DIP2A: variants seen among roughly 807,000 people sequenced by gnomAD.
DIP2A encodes DIP2 acetate--CoA ligase A.
A neutral mutation model predicts 177.4 loss-of-function variants in DIP2A; 85 were observed. That is an observed-to-expected ratio of 0.48 (90% CI 0.40 to 0.57). DIP2A has a LOEUF of 0.57. Among genes scored for constraint, DIP2A ranks in the 20% least tolerant of loss-of-function variants. The probability of loss-of-function intolerance (pLI) is 0.00; values close to 1 mark genes in which losing one functional copy is unlikely to be tolerated. For missense variants in DIP2A, 1,791 were observed against 2,100.2 expected, an observed-to-expected ratio of 0.85 and a Z score of 2.88; for synonymous variants, 886 against 881.8, an observed-to-expected ratio of 1.00 and a Z score of -0.08.
At position 46,547,044 on chromosome 21, in the gene DIP2A, T is replaced by C; in HGVS notation, c.2522+2T>C. On this transcript the variant is annotated splice_donor_variant, in intron 21 of 37. Transcript: ENST00000417564. LOFTEE classifies it high-confidence loss of function. ...CATGAAGTTTGTCTACAGAGGCAGGTGATGCGCTGCGGACCCCCACGCCGG... is the reference window on the plus strand; with the variant it reads ...CATGAAGTTTGTCTACAGAGGCAGGCGATGCGCTGCGGACCCCCACGCCGG... 6.2e-7 allele frequency: 1 copy of C among 1,613,314 alleles called. No individual in the cohort carries two copies. The highest frequency in any genetic ancestry group is 1.1e-5 in the South Asian group (1 of 91,030).
chr21:46,497,248 C>A, intron 4 of DIP2A, 141 bp downstream of exon 4: 1 of 1,035,146 alleles, frequency 9.7e-7, no homozygotes. Context: ...AAAATGTTTG[C>A]ATATGCTCGT....
intron 1 of DIP2A, among the ~76,000 whole-genome samples, chr21:46,475,837 T>C (rs1219351822): frequency 6.6e-6 from 1 of 152,250 alleles, no homozygotes; most frequent in African/African-American, 2.4e-5. Flanking sequence ...CATTTCCATA[T>C]ATCCTGAAAC....
chr21:46,478,274 G>A (rs1318404180), intron 1 of DIP2A, among the ~76,000 whole-genome samples: 4 of 151,408 alleles, frequency 2.6e-5, no homozygotes, highest in African/African-American at 7.3e-5. Flanking sequence ...GTGCAATGGC[G>A]CGATCCCGGC....
chr21:46,564,568 G>A lies in DIP2A; in HGVS notation c.4164+636G>A, dbSNP rs149773043. The stretch of plus-strand genomic sequence containing the variant: ...CAGTCCCGAATGTGCAGATTGATCT[G>A]TTGTCATGGGAGCATAAGGACTCAC... On this transcript the variant is annotated intron_variant, in intron 35 of 37. Coordinates refer to ENST00000417564, the MANE Select transcript of DIP2A (RefSeq NM_015151.4). Among the ~76,000 whole-genome samples, 282 of 152,350 alleles carry A rather than the reference G, an allele frequency of 1.9e-3. 1 individual carries two copies. Among genetic ancestry groups the A allele is most frequent in the African/African-American group, 6.4e-3 (268 of 41,580 alleles).
rs1250803817 is a variant in DIP2A, at chr21:46,498,062, C to T, written c.404-520C>T. Among the ~76,000 whole-genome samples, 4 of 152,160 alleles carry T rather than the reference C, an allele frequency of 2.6e-5. No homozygotes were observed. Among genetic ancestry groups the T allele is most frequent in the Non-Finnish European group, 5.9e-5 (4 of 68,026 alleles). On this transcript the variant is annotated intron_variant, in intron 4 of 37. Transcript: ENST00000417564. The surrounding 1 kb of genome is among the most constrained non-coding windows in gnomAD (Gnocchi z 4.3). The stretch of plus-strand genomic sequence containing the variant: ...TTTTAGGGCTAGTTCACATGACTCC[C>T]CTGAAAGGATGCATGTAGACAGGGC...
chr21:46,544,835 A>C (rs2059963744), intron 18 of DIP2A, among the ~76,000 whole-genome samples: 1 of 152,172 alleles, frequency 6.6e-6, no homozygotes, highest in African/African-American at 2.4e-5. Context: ...GTATGACAAG[A>C]GGAGGCACAG....
At chr21:46,468,953 T>G (rs1479975603) in intron 1 of DIP2A, among the ~76,000 whole-genome samples, 1 of 152,254 alleles carries the variant, frequency 6.6e-6, no homozygotes, top group Non-Finnish European at 1.5e-5. Flanking sequence ...TGTCTTTCTT[T>G]CACCGCTTAA....
intron 13 of DIP2A, among the ~76,000 whole-genome samples, chr21:46,534,933 G>T (rs2059501533): frequency 6.6e-6 from 1 of 152,164 alleles, no homozygotes. Context: ...CATCAGGGTT[G>T]TTTTCAGTAA....
At chr21:46,466,642 G>A (rs1049945890) in intron 1 of DIP2A, among the ~76,000 whole-genome samples, 2 of 151,700 alleles carry the variant, frequency 1.3e-5, no homozygotes, top group Non-Finnish European at 2.9e-5. Flanking sequence ...CACCACTCCC[G>A]GCCACAACTT....
chr21:46,550,876 A>G, intron 23 of DIP2A, 132 bp downstream of exon 23: 1 of 945,286 alleles, frequency 1.1e-6, no homozygotes, highest in East Asian at 2.6e-5. Flanking sequence ...CAAGAGCCAG[A>G]GCGAGTGTGC....
intron 5 of DIP2A, 60 bp from the exon 6 acceptor site, chr21:46,504,301 A>G: frequency 6.3e-7 from 1 of 1,599,588 alleles, no homozygotes; most frequent in Non-Finnish European, 8.5e-7. Context: ...TTTCAAGAGC[A>G]GCTTAATACT....
At chr21:46,546,479 C>T (rs1457771518) in intron 20 of DIP2A, among the ~76,000 whole-genome samples, 1 of 152,180 alleles carries the variant, frequency 6.6e-6, no homozygotes, top group Non-Finnish European at 1.5e-5. Flanking sequence ...AACCTAAGCA[C>T]AGGACAGCAC....
Position 46,537,133 on chromosome 21 carries a change from A to T in DIP2A, c.1643-91A>T, listed in dbSNP as rs1339547290. The T allele has an allele frequency of 8.2e-7, 1 of 1,224,832 alleles. No individual in the cohort carries two copies. The highest frequency in any genetic ancestry group is 1.5e-5 in the African/African-American group (1 of 67,216). The allele number at this position is 1,224,832 out of a possible 1,614,324, so 75.9% of individuals were successfully genotyped here. ...ATCTGTTCCTGAAACTTACATGTTG[A>T]TGACGTACTCACCTCAGAATTTCTC... On this transcript the variant is annotated intron_variant, in intron 13 of 37. Transcript: ENST00000417564. The surrounding 1 kb of genome is among the most constrained non-coding windows in gnomAD (Gnocchi z 4.1).
At chr21:46,490,222 G>A (rs775320582) in intron 2 of DIP2A, among the ~76,000 whole-genome samples, 1 of 152,184 alleles carries the variant, frequency 6.6e-6, no homozygotes, top group Non-Finnish European at 1.5e-5. Context: ...TGCTGGGGAC[G>A]AACAGCACGG....
At chr21:46,466,804 A>T (rs2054873695) in intron 1 of DIP2A, among the ~76,000 whole-genome samples, 1 of 152,148 alleles carries the variant, frequency 6.6e-6, no homozygotes, top group African/African-American at 2.4e-5. Flanking sequence ...TCAACCAAAA[A>T]AACCACACAG....
At chr21:46,460,366 G>A (rs2054191187) in intron 1 of DIP2A, among the ~76,000 whole-genome samples, 1 of 152,200 alleles carries the variant, frequency 6.6e-6, no homozygotes, top group Admixed American at 6.5e-5. Flanking sequence ...TCCAGTGTCA[G>A]AAAGGACTTG....
the DIP2A span, among the ~76,000 whole-genome samples, chr21:46,578,935 C>T: frequency 0.046 from 6,938 of 152,204 alleles, 539 homozygotes; most frequent in African/African-American, 0.16. Context: ...TGTTTTATCT[C>T]TGCCAGGTTT....
chr21:46,495,232 CTCTTCTCTTCTT>C (rs1470731365), intron 3 of DIP2A, among the ~76,000 whole-genome samples: 40 of 89,184 alleles, frequency 4.5e-4, no homozygotes, highest in African/African-American at 1.4e-3. Flanking sequence ...CTCTTCTCTT[CTCTTCTCTTCTT>C]TCTCTCTCTC....
At chr21:46,483,794 G>A (rs1169816907) in intron 1 of DIP2A, among the ~76,000 whole-genome samples, 1 of 152,144 alleles carries the variant, frequency 6.6e-6, no homozygotes, top group Admixed American at 6.5e-5. Flanking sequence ...TTTGAGAGAA[G>A]GGAGATCTTA....
Sources: allele counts gnomAD v4.1 joint callset (sites outside exome capture counted in the v4.1 genomes callset), GRCh38; gene constraint gnomAD v4.1.1; non-coding constraint Gnocchi (gnomAD v3.1); transcripts MANE v1.5; gene names NCBI Gene and HGNC (gene_info 2026-07-23, HGNC 2026-07-21).